Variants in TUG1 observed in about 807,000 individuals in gnomAD.
TUG1 encodes taurine upregulated gene 1.
At chr22:30,972,579 C>G (rs551982036) in intron 1 of TUG1, 2 of 152,380 alleles carry the variant, frequency 1.3e-5, no homozygotes, top group South Asian at 2.1e-4. Flanking sequence ...ACCCTGAATC[C>G]GATCAAATTA....
exon 1 of TUG1, chr22:30,969,437 C>T (rs2041197370): frequency 6.6e-6 from 1 of 152,400 alleles, no homozygotes; most frequent in Non-Finnish European, 1.5e-5. Flanking sequence ...GTTGGCGGCT[C>T]TTTCTCCTGC....
exon 1 of TUG1, chr22:30,970,051 A>G (rs114535409): frequency 2.0e-5 from 3 of 151,966 alleles, no homozygotes; most frequent in African/African-American, 2.4e-5. Flanking sequence ...ATTGTTTATA[A>G]TTTTTTTTGA....
exon 3 of TUG1, chr22:30,976,148 G>A (rs1040962413): frequency 3.3e-5 from 5 of 150,976 alleles, no homozygotes; most frequent in Admixed American, 6.6e-5. Flanking sequence ...TGACTATTCA[G>A]CTCACTTTAA....
exon 3 of TUG1, chr22:30,978,724 A>C (rs2041316507): frequency 6.6e-6 from 1 of 152,200 alleles, no homozygotes; most frequent in African/African-American, 2.4e-5. Flanking sequence ...GCAGAGCCAA[A>C]ATATGGAGAG....
exon 3 of TUG1, chr22:30,977,693 T>G (rs1050731021): frequency 3.3e-5 from 5 of 152,252 alleles, no homozygotes; most frequent in African/African-American, 1.2e-4. Flanking sequence ...TCTATTTTCC[T>G]GACTCAGCTC....
chr22:30,977,132 G>A (rs997880544), exon 3 of TUG1: 1 of 152,088 alleles, frequency 6.6e-6, no homozygotes, highest in Non-Finnish European at 1.5e-5. Context: ...TCATCTGCTC[G>A]AGTCTAAAAT....
At chr22:30,970,920 C>G (rs2041222570) in exon 1 of TUG1, 1 of 152,132 alleles carries the variant, frequency 6.6e-6, no homozygotes, top group Admixed American at 6.5e-5. Context: ...GGAAGTGATT[C>G]AAAGCTAAAC....
At chr22:30,971,418 A>G (rs1404155069) in exon 1 of TUG1, 2 of 152,662 alleles carry the variant, frequency 1.3e-5, no homozygotes, top group South Asian at 2.1e-4. Flanking sequence ...CTGGAACTCA[A>G]AGCTTGAAAT....
At chr22:30,970,955 C>T (rs1359005742) in exon 1 of TUG1, 1 of 152,170 alleles carries the variant, frequency 6.6e-6, no homozygotes, top group Non-Finnish European at 1.5e-5. Context: ...TCCTTGTGTT[C>T]TAATTGCTTG....
chr22:30,975,182 G>A (rs968248012), exon 3 of TUG1: 3 of 152,184 alleles, frequency 2.0e-5, no homozygotes, highest in African/African-American at 4.8e-5. Context: ...TTTTGTGACC[G>A]ACTTATTCTT....
At chr22:30,977,198 C>A (rs1006729434) in exon 3 of TUG1, 2 of 152,160 alleles carry the variant, frequency 1.3e-5, no homozygotes, top group African/African-American at 4.8e-5. Context: ...AAACTTAAAT[C>A]TAGGAGTCTG....
chr22:30,976,724 TCTTTA>T lies in TUG1; in HGVS notation c.*4253_*4257del, dbSNP rs1192752579. 3 of 152,218 alleles carry T rather than the reference TCTTTA, an allele frequency of 2.0e-5. No homozygotes were observed. In the East Asian group the frequency reaches 5.8e-4, roughly 29 times the overall value. 9.4% of individuals were successfully genotyped at this position (152,218 alleles called of 1,614,324 possible). On this transcript the variant is annotated 3_prime_UTR_variant, in exon 3 of 3. Transcript: ENST00000644773. Reference sequence around the variant, plus strand: ...TGATGTGTGTCATGAGAAAACTCATTCTTTACTTCCCAGTCAATTTAAAGGCCAGC... The same window carrying T: ...TGATGTGTGTCATGAGAAAACTCATTCTTCCCAGTCAATTTAAAGGCCAGC...
chr22:30,972,317 A>G (rs546466364), intron 1 of TUG1: 2 of 152,334 alleles, frequency 1.3e-5, no homozygotes, highest in East Asian at 1.9e-4. Flanking sequence ...GGAGAAACCA[A>G]TATGTTGAAT....
chr22:30,975,451 TCTTTTCTGTACCTCCACTCAGCA>T (rs2041277670), exon 3 of TUG1: 2 of 152,380 alleles, frequency 1.3e-5, no homozygotes, highest in Admixed American at 1.3e-4. Context: ...GGCATTCCAA[TCTTTTCTGTACCTCCACTCAGCA>T]CAGTTCATGT....
At chr22:30,969,403 G>A (rs909227032) in exon 1 of TUG1, 1 of 152,548 alleles carries the variant, frequency 6.6e-6, no homozygotes, top group South Asian at 2.1e-4. Flanking sequence ...CGAAGGAACG[G>A]GCGTGCGGTC....
chr22:30,975,776 T>A (rs1293288631), exon 3 of TUG1: 1 of 152,202 alleles, frequency 6.6e-6, no homozygotes, highest in Non-Finnish European at 1.5e-5. Flanking sequence ...ATACCTGAAT[T>A]ATCAGCAAGC....
intron 1 of TUG1, chr22:30,972,343 A>T (rs1393429846): frequency 6.6e-6 from 1 of 151,906 alleles, no homozygotes; most frequent in Non-Finnish European, 1.5e-5. Flanking sequence ...GGTATTACAT[A>T]CAGAAGGACC....
chr22:30,978,057 G>T (rs140473822), exon 3 of TUG1: 1 of 152,156 alleles, frequency 6.6e-6, no homozygotes, highest in Non-Finnish European at 1.5e-5. Context: ...AGTACACACA[G>T]AACTGTACCA....
exon 1 of TUG1, chr22:30,969,690 G>T: frequency 6.6e-6 from 1 of 152,640 alleles, no homozygotes; most frequent in South Asian, 1.9e-4. Flanking sequence ...GGGGGTGGCC[G>T]GGGCCGGCTT....
Sources: allele counts gnomAD v4.1 joint callset, GRCh38; gene constraint gnomAD v4.1.1; transcripts MANE v1.5; gene names NCBI Gene and HGNC (gene_info 2026-07-23, HGNC 2026-07-21).